Variants in TMC1 observed in about 807,000 individuals in gnomAD.
TMC1 encodes transmembrane channel like 1.
A neutral mutation model predicts 105.8 loss-of-function variants in TMC1; 84 were observed. The ratio of observed to expected loss-of-function variants is 0.79; its 90% CI spans 0.67 to 0.95. TMC1 has a LOEUF of 0.95. Among genes scored for constraint, TMC1 ranks in the 40% least tolerant of loss-of-function variants. TMC1 has a pLI of 0.00. For synonymous variants in TMC1, 315 were observed against 311.5 expected, an observed-to-expected ratio of 1.01 and a Z score of -0.12; for missense variants, 817 against 914.1, an observed-to-expected ratio of 0.89 and a Z score of 1.37.
intron 1 of TMC1, among the ~76,000 whole-genome samples, chr9:72,565,298 C>T (rs7854527): frequency 0.53 from 80,585 of 152,032 alleles, 22,438 homozygotes; most frequent in African/African-American, 0.71. Context: ...TTAATCAAGC[C>T]TTAAGGACAA....
chr9:72,816,902 G>A (rs1828796946), intron 19 of TMC1, among the ~76,000 whole-genome samples: 1 of 152,078 alleles, frequency 6.6e-6, no homozygotes, highest in African/African-American at 2.4e-5. Context: ...ATTCATCTGG[G>A]GACCATGTGT....
intron 3 of TMC1, among the ~76,000 whole-genome samples, chr9:72,623,776 G>A (rs536676559): frequency 2.0e-5 from 3 of 152,230 alleles, no homozygotes; most frequent in Non-Finnish European, 4.4e-5. Flanking sequence ...CCTTTACCAG[G>A]CTATTCCATC....
At chr9:72,605,756 A>G (rs940724354) in intron 2 of TMC1, among the ~76,000 whole-genome samples, 2 of 151,750 alleles carry the variant, frequency 1.3e-5, no homozygotes, top group Non-Finnish European at 2.9e-5. Context: ...TTGTATTTTT[A>G]GTAGAGACGT....
chr9:72,527,558 G>A (rs1823426491), intron 1 of TMC1, among the ~76,000 whole-genome samples: 2 of 152,062 alleles, frequency 1.3e-5, no homozygotes, highest in Non-Finnish European at 2.9e-5. Flanking sequence ...CCAGACCCCA[G>A]TGACTCACGC....
intron 5 of TMC1, among the ~76,000 whole-genome samples, chr9:72,669,321 T>A (rs1015758473): frequency 1.3e-5 from 2 of 151,874 alleles, no homozygotes; most frequent in African/African-American, 2.4e-5. Flanking sequence ...GAAAAAAAAA[T>A]GTACTATAAT....
intron 5 of TMC1, chr9:72,656,264 G>A (rs1210815791): frequency 4.1e-5 from 14 of 345,648 alleles, no homozygotes; most frequent in Non-Finnish European, 6.8e-5. Flanking sequence ...GCAGGTGCGG[G>A]CGGATCAGAG....
At chr9:72,614,686 T>C (rs1393926619) in intron 2 of TMC1, among the ~76,000 whole-genome samples, 1 of 152,182 alleles carries the variant, frequency 6.6e-6, no homozygotes, top group Non-Finnish European at 1.5e-5. Context: ...GGATAACTTT[T>C]TCTTCCCCCT....
chr9:72,576,911 G>T (rs998383792), intron 1 of TMC1, among the ~76,000 whole-genome samples: 4 of 152,050 alleles, frequency 2.6e-5, no homozygotes, highest in African/African-American at 9.7e-5. Flanking sequence ...ATACAGTCAT[G>T]AGCCACCGCG....
intron 8 of TMC1, among the ~76,000 whole-genome samples, chr9:72,706,262 T>C (rs567785617): frequency 5.9e-5 from 9 of 152,336 alleles, no homozygotes; most frequent in East Asian, 3.9e-4. Flanking sequence ...AATCATGGTT[T>C]ATACTTTAGT....
Position 72,794,860 on chromosome 9 carries a change from T to C in TMC1, c.1566+2508T>C, listed in dbSNP as rs981231798. ...GATTCAGAAGAATGGCAAAACCCAA[T>C]CCAAGGAAAATAAGAATCACAATAA... On this transcript the variant is annotated intron_variant, in intron 17 of 23. Coordinates refer to ENST00000297784, the MANE Select transcript of TMC1 (RefSeq NM_138691.3). Among the ~76,000 whole-genome samples the C allele has an allele frequency of 2.6e-5, 4 of 151,774 alleles. No homozygotes were observed. The South Asian group carries it at 8.3e-4, about 32-fold the overall frequency.
intron 10 of TMC1, among the ~76,000 whole-genome samples, 174 bp downstream of exon 10, chr9:72,742,699 G>T (rs1827411138): frequency 6.6e-6 from 1 of 152,150 alleles, no homozygotes; most frequent in Non-Finnish European, 1.5e-5. Flanking sequence ...TCACTGTGAA[G>T]ATTTGCTAGC....
chr9:72,644,156 A>G (rs367753971), intron 4 of TMC1, among the ~76,000 whole-genome samples: 70 of 152,278 alleles, frequency 4.6e-4, no homozygotes, highest in African/African-American at 1.6e-3. Context: ...AGTGCTATAT[A>G]TATTCTGGAT....
At chr9:72,687,292 C>A (rs775060519) in intron 5 of TMC1, among the ~76,000 whole-genome samples, 4 of 152,096 alleles carry the variant, frequency 2.6e-5, no homozygotes, top group East Asian at 1.9e-4. Flanking sequence ...ACTGATAACA[C>A]CCTGCTCCAA....
chr9:72,595,195 C>T (rs568057251), intron 2 of TMC1, among the ~76,000 whole-genome samples: 4 of 152,216 alleles, frequency 2.6e-5, no homozygotes, highest in Admixed American at 6.5e-5. Context: ...CTGCTGCTAC[C>T]GATAGACTTA....
intron 2 of TMC1, among the ~76,000 whole-genome samples, chr9:72,614,002 G>A (rs1432821522): frequency 6.6e-6 from 1 of 152,154 alleles, no homozygotes; most frequent in Non-Finnish European, 1.5e-5. Context: ...GAGAGGAAAG[G>A]ATGGTAACTG....
At chr9:72,591,473 GC>G (rs1278323194) in intron 2 of TMC1, among the ~76,000 whole-genome samples, 2 of 152,188 alleles carry the variant, frequency 1.3e-5, no homozygotes, top group Non-Finnish European at 2.9e-5. Context: ...TATTGCAGTA[GC>G]CCGGGTAAGA....
At chr9:72,636,707 C>CTAAAAAAAAA (rs1825539462) in intron 4 of TMC1, among the ~76,000 whole-genome samples, 1 of 83,274 alleles carries the variant, frequency 1.2e-5, no homozygotes, top group Non-Finnish European at 2.3e-5. Flanking sequence ...GACTCCATCT[C>CTAAAAAAAAA]AAAAAAAAAA....
intron 1 of TMC1, among the ~76,000 whole-genome samples, chr9:72,535,848 A>G (rs1288292597): frequency 6.6e-6 from 1 of 152,134 alleles, no homozygotes; most frequent in East Asian, 1.9e-4. Flanking sequence ...CTTTTTAACA[A>G]CCACTTCTCA....
chr9:72,792,391 TA>T, intron 17 of TMC1, 39 bp downstream of exon 17: 3 of 1,612,448 alleles, frequency 1.9e-6, no homozygotes, highest in South Asian at 2.2e-5. Context: ...ATTAGTAGAT[TA>T]AAAAAAGAGA....
Sources: gnomAD v4.1 joint callset for allele counts (sites outside exome capture counted in the v4.1 genomes callset) on GRCh38, gnomAD v4.1.1 for gene constraint, MANE v1.5 for transcripts, NCBI Gene and HGNC (gene_info 2026-07-23, HGNC 2026-07-21) for gene names.